SLC14A2: variants seen among roughly 807,000 people sequenced by gnomAD.
SLC14A2 encodes solute carrier family 14 member 2.
Under a neutral mutation model 104.6 loss-of-function variants are expected in SLC14A2, and 91 were observed. That is an observed-to-expected ratio of 0.87 (90% confidence interval 0.73 to 1.04). The LOEUF (loss-of-function observed/expected upper bound fraction) is 1.04, where lower values mean the gene tolerates loss of function less well. SLC14A2 is among the 50% of genes least tolerant of loss of function. The probability of loss-of-function intolerance (pLI) is 0.00; values close to 1 mark genes in which losing one functional copy is unlikely to be tolerated. For synonymous variants in SLC14A2, 476 were observed against 466.4 expected (o/e 1.02, Z -0.27); for missense variants, 1,189 against 1,156.0 (o/e 1.03, Z -0.41).
chr18:45,288,625 A>G (rs931036598), intron 1 of SLC14A2, among the ~76,000 whole-genome samples: 1 of 152,188 alleles, frequency 6.6e-6, no homozygotes, highest in African/African-American at 2.4e-5. Context: ...CAGGAGGCTA[A>G]AACCTATGGC....
chr18:45,645,503 TATG>T (rs904573094), intron 10 of SLC14A2, among the ~76,000 whole-genome samples: 3 of 150,356 alleles, frequency 2.0e-5, no homozygotes, highest in African/African-American at 7.4e-5. Context: ...TTATGAAGTG[TATG>T]ATATTTAAAA....
At chr18:45,604,274 T>C (rs955833044) in intron 2 of SLC14A2, among the ~76,000 whole-genome samples, 1 of 152,188 alleles carries the variant, frequency 6.6e-6, no homozygotes, top group East Asian at 1.9e-4. Flanking sequence ...GAGATCCAGT[T>C]AATCCTAATG....
the SLC14A2 span, among the ~76,000 whole-genome samples, chr18:45,183,132 G>A: frequency 2.6e-5 from 4 of 152,220 alleles, no homozygotes; most frequent in East Asian, 1.9e-4. Flanking sequence ...TACTGTTTGC[G>A]CTGGCTTCCC....
chr18:45,481,496 C>A (rs1438226171), intron 1 of SLC14A2, among the ~76,000 whole-genome samples: 1 of 152,146 alleles, frequency 6.6e-6, no homozygotes, highest in East Asian at 1.9e-4. Flanking sequence ...CCGCAGAGTT[C>A]AGAGCTTGTT....
At chr18:45,320,694 G>A (rs1326645518) in intron 1 of SLC14A2, among the ~76,000 whole-genome samples, 1 of 152,142 alleles carries the variant, frequency 6.6e-6, no homozygotes, top group Non-Finnish European at 1.5e-5. Flanking sequence ...AGTACTTTCA[G>A]CCACATTCCA....
At position 45,555,779 on chromosome 18, in the gene SLC14A2, G is replaced by A. The variant is rs142282364; in HGVS notation, c.-34-68852G>A. On this transcript the variant is annotated intron_variant, in intron 2 of 20. Transcript: ENST00000586448. The stretch of plus-strand genomic sequence containing the variant: ...TGGAGACAGATCAGCTACTTGGGTC[G>A]CCAAGGGCTGGGTAACATTAAAGAA... Among the ~76,000 whole-genome samples, 790 of 152,264 alleles carry A rather than the reference G, an allele frequency of 5.2e-3. 15 individuals are homozygous for A. The highest frequency in any genetic ancestry group is 0.029 in the Admixed American group (449 of 15,300).
intron 1 of SLC14A2, among the ~76,000 whole-genome samples, chr18:45,426,866 C>A (rs1437410339): frequency 1.3e-5 from 2 of 152,054 alleles, no homozygotes; most frequent in Admixed American, 1.3e-4. Context: ...TGTTAGGAAG[C>A]CCCTTCTCGG....
At chr18:45,251,324 A>G (rs2084421102) in intron 1 of SLC14A2, among the ~76,000 whole-genome samples, 1 of 152,216 alleles carries the variant, frequency 6.6e-6, no homozygotes, top group Admixed American at 6.5e-5. Context: ...AATAGTCTTC[A>G]ATTCTGTCCA....
At chr18:45,540,017 A>G (rs1442232637) in intron 2 of SLC14A2, among the ~76,000 whole-genome samples, 2 of 152,222 alleles carry the variant, frequency 1.3e-5, no homozygotes, top group Non-Finnish European at 2.9e-5. Context: ...GTAAAATTTT[A>G]TCTCTGGTAT....
At chr18:45,383,592 G>T (rs1328254881) in intron 1 of SLC14A2, among the ~76,000 whole-genome samples, 1 of 152,108 alleles carries the variant, frequency 6.6e-6, no homozygotes, top group African/African-American at 2.4e-5. Flanking sequence ...CATGTGTTAG[G>T]CTCTCCCCTC....
chr18:45,403,118 G>A (rs2086113913), intron 1 of SLC14A2, among the ~76,000 whole-genome samples: 1 of 152,158 alleles, frequency 6.6e-6, no homozygotes, highest in African/African-American at 2.4e-5. Flanking sequence ...TTAGTTTCTG[G>A]TGAAGACTCC....
intron 1 of SLC14A2, among the ~76,000 whole-genome samples, chr18:45,318,813 C>T (rs956517791): frequency 3.9e-5 from 6 of 151,930 alleles, no homozygotes; most frequent in Admixed American, 1.3e-4. Flanking sequence ...TTCGCAGGTC[C>T]TCCCCAGGCT....
At chr18:45,176,445 A>G in the SLC14A2 span, among the ~76,000 whole-genome samples, 5 of 152,068 alleles carry the variant, frequency 3.3e-5, no homozygotes, top group Non-Finnish European at 1.5e-5. Flanking sequence ...ACCATATAGA[A>G]AATTTCCACA....
rs187576209 is a variant in SLC14A2 at position 45,317,704 on chromosome 18, C to T, written c.-125+104513C>T. ...CTAGCCCAGGCAGCCAGCTGTGTTC[C>T]CCAGCTTTTGCCATCCTTTTTGGGT... On this transcript the variant is annotated intron_variant, in intron 1 of 20. Coordinates refer to the SLC14A2 transcript ENST00000586448. Among the ~76,000 whole-genome samples, 4 of 152,278 alleles carry T rather than the reference C, an allele frequency of 2.6e-5. No homozygotes were observed. The East Asian group carries it at 7.7e-4, about 29-fold the overall frequency.
At chr18:45,530,861 C>G (rs1479507433) in intron 2 of SLC14A2, among the ~76,000 whole-genome samples, 1 of 151,942 alleles carries the variant, frequency 6.6e-6, no homozygotes, top group Admixed American at 6.6e-5. Context: ...CCCCCCACCC[C>G]ACAACAGTCC....
the SLC14A2 span, among the ~76,000 whole-genome samples, chr18:45,203,570 A>G: frequency 6.6e-6 from 1 of 152,208 alleles, no homozygotes; most frequent in African/African-American, 2.4e-5. Flanking sequence ...TCCTATTATT[A>G]AAATATCTGA....
chr18:45,674,872 C>G (rs1459634057), intron 18 of SLC14A2, among the ~76,000 whole-genome samples: 1 of 152,222 alleles, frequency 6.6e-6, no homozygotes, highest in Non-Finnish European at 1.5e-5. Context: ...GACATATCCC[C>G]ATGACCCTGA....
At chr18:45,431,112 G>T (rs1465371) in intron 1 of SLC14A2, among the ~76,000 whole-genome samples, 78,382 of 151,964 alleles carry the variant, frequency 0.52, 20,477 homozygotes, top group Admixed American at 0.65. Flanking sequence ...TCATTTGGAG[G>T]GGTAATTACA....
intron 1 of SLC14A2, among the ~76,000 whole-genome samples, chr18:45,263,112 T>C (rs144632266): frequency 1.3e-3 from 196 of 152,326 alleles, no homozygotes; most frequent in African/African-American, 4.4e-3. Context: ...CTACGTCACA[T>C]TGAGATCTCA....
Sources: allele counts gnomAD v4.1 joint callset (sites outside exome capture counted in the v4.1 genomes callset), GRCh38; gene constraint gnomAD v4.1.1; transcripts MANE v1.5; gene names NCBI Gene and HGNC (gene_info 2026-07-23, HGNC 2026-07-21).